The following DCLK2 variants were observed in gnomAD, a reference collection of about 807,000 sequenced individuals.
The protein encoded by DCLK2 is doublecortin like kinase 2.
DCLK2 carries 31 observed loss-of-function variants against 78.4 expected under a neutral mutation model. The ratio of observed to expected loss-of-function variants is 0.40; its 90% CI spans 0.30 to 0.53. The LOEUF (loss-of-function observed/expected upper bound fraction) is 0.53, where lower values mean the gene tolerates loss of function less well. Among genes scored for constraint, DCLK2 ranks in the 20% least tolerant of loss-of-function variants. The pLI, the probability that DCLK2 is intolerant of heterozygous loss-of-function variation, is 0.61. For synonymous variants in DCLK2, 407 were observed against 374.9 expected (o/e 1.09, Z -0.99); for missense variants, 872 against 973.7 (o/e 0.90, Z 1.39).
chr4:150,136,558 G>C (rs1733694598), intron 2 of DCLK2, among the ~76,000 whole-genome samples: 1 of 152,250 alleles, frequency 6.6e-6, no homozygotes, highest in Non-Finnish European at 1.5e-5. Context: ...GAAGTGATTG[G>C]AAAAGTCACT....
chr4:150,092,998 T>G (rs572032708), intron 1 of DCLK2, among the ~76,000 whole-genome samples: 4 of 152,212 alleles, frequency 2.6e-5, no homozygotes, highest in Non-Finnish European at 5.9e-5. Flanking sequence ...AGAAGCACAA[T>G]TATCTGTTTG....
chr4:150,190,467 A>G (rs1328536935), intron 2 of DCLK2, among the ~76,000 whole-genome samples: 3 of 152,318 alleles, frequency 2.0e-5, no homozygotes, highest in Non-Finnish European at 2.9e-5. Context: ...CTATTCAGCT[A>G]TAGAAGGAAT....
At chr4:150,238,998 C>T (rs956406820) in intron 10 of DCLK2, among the ~76,000 whole-genome samples, 11 of 152,164 alleles carry the variant, frequency 7.2e-5, no homozygotes, top group Admixed American at 6.5e-4. Flanking sequence ...GTGGAGATCA[C>T]CAAGTGCTTT....
intron 2 of DCLK2, among the ~76,000 whole-genome samples, chr4:150,156,503 T>TAAATAAATA (rs1735281011): frequency 6.6e-6 from 1 of 150,536 alleles, no homozygotes; most frequent in Non-Finnish European, 1.5e-5. Context: ...AATAAATAAA[T>TAAATAAATA]AAATAAATAA....
At chr4:150,122,581 C>T (rs1732627813) in intron 2 of DCLK2, among the ~76,000 whole-genome samples, 1 of 152,030 alleles carries the variant, frequency 6.6e-6, no homozygotes, top group South Asian at 2.1e-4. Context: ...GGGAGGGGAA[C>T]ATCACACACC....
chr4:150,162,207 T>C (rs913149831), intron 2 of DCLK2, among the ~76,000 whole-genome samples: 1 of 152,044 alleles, frequency 6.6e-6, no homozygotes, highest in African/African-American at 2.4e-5. Flanking sequence ...ATTTTTTGCA[T>C]TTTTTGTAGA....
chr4:150,127,570 T>C (rs1020631055), intron 2 of DCLK2, among the ~76,000 whole-genome samples: 2 of 152,148 alleles, frequency 1.3e-5, no homozygotes, highest in Non-Finnish European at 1.5e-5. Flanking sequence ...GAGTAAGGAT[T>C]ATAGGGAACC....
At chr4:150,146,859 A>T in intron 2 of DCLK2, among the ~76,000 whole-genome samples, 1 of 152,132 alleles carries the variant, frequency 6.6e-6, no homozygotes, top group East Asian at 1.9e-4. Flanking sequence ...CTTGGGTTCT[A>T]GATCTGGCTG....
chr4:150,224,039 AT>A (rs1230122883), intron 7 of DCLK2, among the ~76,000 whole-genome samples: 2 of 152,166 alleles, frequency 1.3e-5, no homozygotes, highest in Non-Finnish European at 2.9e-5. Flanking sequence ...TGAGATTTAC[AT>A]ATAGAAAAAC....
intron 12 of DCLK2, among the ~76,000 whole-genome samples, chr4:150,244,888 C>T (rs564317790): frequency 1.1e-4 from 16 of 152,182 alleles, no homozygotes; most frequent in African/African-American, 3.9e-4. Flanking sequence ...CTGCTGTGCA[C>T]ACACTTCCAG....
At chr4:150,111,298 C>G (rs1378206055) in intron 2 of DCLK2, among the ~76,000 whole-genome samples, 2 of 151,948 alleles carry the variant, frequency 1.3e-5, no homozygotes, top group South Asian at 2.1e-4. Flanking sequence ...TTAAAAATAT[C>G]TATTTATGTC....
intron 15 of DCLK2, among the ~76,000 whole-genome samples, chr4:150,254,220 G>C (rs1744403622): frequency 6.6e-6 from 1 of 152,232 alleles, no homozygotes; most frequent in Non-Finnish European, 1.5e-5. Flanking sequence ...AGAAGGGACG[G>C]ATTCAAGGGC....
chr4:150,172,765 G>GTTTTT lies in DCLK2; in HGVS notation c.757-20373_757-20372insTTTTT, dbSNP rs1560832137. Reference sequence around the variant, plus strand: ...GAGAGTGTTCTTTTTTTTTTTGGGGGGGGGGGGGATACCTTGCTCTTTCTC... The same window carrying GTTTTT: ...GAGAGTGTTCTTTTTTTTTTTGGGGGTTTTTGGGGGGGGATACCTTGCTCTTTCTC... On this transcript the variant is annotated intron_variant, in intron 2 of 15. Transcript: ENST00000296550. 2.0e-3 allele frequency among the ~76,000 whole-genome samples: 272 copies of GTTTTT among 134,790 alleles called. 3 individuals carry two copies. Among genetic ancestry groups the GTTTTT allele is most frequent in the African/African-American group, 7.2e-3 (256 of 35,496 alleles). 88.4% of individuals were successfully genotyped at this position (134,790 alleles called of 152,430 possible).
chr4:150,135,069 A>G (rs745420385), intron 2 of DCLK2, among the ~76,000 whole-genome samples: 3 of 152,090 alleles, frequency 2.0e-5, no homozygotes, highest in Admixed American at 6.6e-5. Context: ...TATGCTTTTG[A>G]ACAATTTATG....
intron 2 of DCLK2, among the ~76,000 whole-genome samples, chr4:150,111,354 G>C (rs1290094580): frequency 1.3e-5 from 2 of 152,006 alleles, no homozygotes; most frequent in Non-Finnish European, 2.9e-5. Context: ...TCAATGATTT[G>C]AGTTCCTTGT....
At chr4:150,238,016 A>G (rs1212030336) in intron 10 of DCLK2, among the ~76,000 whole-genome samples, 1 of 152,208 alleles carries the variant, frequency 6.6e-6, no homozygotes, top group Non-Finnish European at 1.5e-5. Context: ...TTCCAAAACT[A>G]TTCACTTAGA....
chr4:150,236,315 T>C (rs566648472), intron 10 of DCLK2, among the ~76,000 whole-genome samples: 128 of 152,288 alleles, frequency 8.4e-4, no homozygotes, highest in Non-Finnish European at 1.7e-3. Flanking sequence ...TTTCCAGTTA[T>C]TTTTCAGGTA....
chr4:150,236,941 T>A (rs1742555548), intron 10 of DCLK2, among the ~76,000 whole-genome samples: 1 of 152,186 alleles, frequency 6.6e-6, no homozygotes, highest in Non-Finnish European at 1.5e-5. Flanking sequence ...TTATAGAGGA[T>A]GTGAAAAACA....
intron 2 of DCLK2, among the ~76,000 whole-genome samples, chr4:150,172,369 C>T (rs1472239475): frequency 6.6e-6 from 1 of 151,722 alleles, no homozygotes; most frequent in Non-Finnish European, 1.5e-5. Flanking sequence ...TTTGGGAGGC[C>T]GAGGCGGGTG....
Sources: allele counts gnomAD v4.1 joint callset (sites outside exome capture counted in the v4.1 genomes callset), GRCh38; gene constraint gnomAD v4.1.1; transcripts MANE v1.5; gene names NCBI Gene and HGNC (gene_info 2026-07-23, HGNC 2026-07-21).